CCDC57: variants seen among roughly 807,000 people sequenced by gnomAD.
The protein encoded by CCDC57 is coiled-coil domain containing 57.
A neutral mutation model predicts 118.9 loss-of-function variants in CCDC57; 118 were observed. The observed-to-expected ratio is 0.99, with a 90% CI of 0.86 to 1.16. The LOEUF (loss-of-function observed/expected upper bound fraction) is 1.16, where lower values mean the gene tolerates loss of function less well. Among genes scored for constraint, CCDC57 ranks in the 50% most tolerant of loss-of-function variants. The probability of loss-of-function intolerance (pLI) is 0.00; values close to 1 mark genes in which losing one functional copy is unlikely to be tolerated. For missense variants in CCDC57, 1,300 were observed against 1,320.7 expected (o/e 0.98, Z 0.24); for synonymous variants, 527 against 532.9 (o/e 0.99, Z 0.15).
intron 11 of CCDC57, among the ~76,000 whole-genome samples, chr17:82,174,896 C>G (rs1427717243): frequency 6.6e-6 from 1 of 152,168 alleles, no homozygotes; most frequent in Admixed American, 6.5e-5. Context: ...TCCTCAGGGC[C>G]GAGAGAATTT....
intron 4 of CCDC57, among the ~76,000 whole-genome samples, chr17:82,197,883 A>T (rs1013058535): frequency 6.6e-6 from 1 of 152,214 alleles, no homozygotes; most frequent in African/African-American, 2.4e-5. Context: ...ACCAGGACTC[A>T]CATCAGTGGC....
intron 19 of CCDC57, among the ~76,000 whole-genome samples, chr17:82,116,420 G>A (rs957118617): frequency 1.3e-5 from 2 of 151,990 alleles, no homozygotes; most frequent in Non-Finnish European, 2.9e-5. Flanking sequence ...ACTGAGCCCT[G>A]GCCCCAATCT....
intron 19 of CCDC57, chr17:82,112,756 C>T (rs1374836757): frequency 2.0e-5 from 3 of 152,632 alleles, no homozygotes; most frequent in African/African-American, 7.2e-5. Context: ...CCCCAGGGTT[C>T]ACCTTGCCTG....
At chr17:82,166,521 A>C (rs2044007177) in intron 13 of CCDC57, among the ~76,000 whole-genome samples, 1 of 152,088 alleles carries the variant, frequency 6.6e-6, no homozygotes, top group Non-Finnish European at 1.5e-5. Flanking sequence ...TCTCTAAAAA[A>C]AACAAACAAA....
At chr17:82,120,537 G>A (rs940316967) in intron 19 of CCDC57, among the ~76,000 whole-genome samples, 2 of 152,152 alleles carry the variant, frequency 1.3e-5, no homozygotes, top group African/African-American at 4.8e-5. Context: ...CTTCACCAAC[G>A]CAGTTTCCAA....
At chr17:82,157,429 A>C in intron 15 of CCDC57, 1 of 1,322,104 alleles carries the variant, frequency 7.6e-7, no homozygotes, top group Non-Finnish European at 9.7e-7. Flanking sequence ...TAAAGCAAAC[A>C]TGAGCCACCT....
chr17:82,199,122 C>T (rs922102582), intron 3 of CCDC57, among the ~76,000 whole-genome samples: 1 of 151,738 alleles, frequency 6.6e-6, no homozygotes, highest in Admixed American at 6.6e-5. Flanking sequence ...CTACAGCAGT[C>T]ATTATAAAAG....
intron 4 of CCDC57, 39 bp downstream of exon 3, chr17:82,198,275 G>T: frequency 7.8e-7 from 1 of 1,278,644 alleles, no homozygotes; most frequent in African/African-American, 1.5e-5. Context: ...TGGGCAGGCA[G>T]GGAAAGCACC....
intron 10 of CCDC57, 102 bp downstream of exon 9, chr17:82,178,925 T>G: frequency 1.5e-6 from 2 of 1,337,224 alleles, no homozygotes; most frequent in South Asian, 2.8e-5. Flanking sequence ...GTTTAGTGTT[T>G]TCAAATTTAA....
intron 16 of CCDC57, among the ~76,000 whole-genome samples, chr17:82,145,313 G>A (rs1268215618): frequency 6.7e-6 from 1 of 149,996 alleles, no homozygotes. Flanking sequence ...TTGGGAGGCT[G>A]AGGTGGGCAG....
intron 8 of CCDC57, among the ~76,000 whole-genome samples, chr17:82,187,040 C>T (rs2047010673): frequency 6.6e-6 from 1 of 151,696 alleles, no homozygotes; most frequent in South Asian, 2.1e-4. Context: ...AGATGGAGAC[C>T]ATCTTGGCCA....
intron 14 of CCDC57, among the ~76,000 whole-genome samples, chr17:82,161,624 A>G (rs2043348196): frequency 6.6e-6 from 1 of 152,226 alleles, no homozygotes; most frequent in African/African-American, 2.4e-5. Flanking sequence ...ATTCTACTCA[A>G]TGAAAGAAGC....
intron 19 of CCDC57, among the ~76,000 whole-genome samples, chr17:82,121,352 C>T (rs1043832296): frequency 1.6e-4 from 24 of 152,220 alleles, no homozygotes; most frequent in African/African-American, 5.8e-4. Context: ...AGCTTTCCTG[C>T]CAAGAGGCCC....
chr17:82,112,245 A>G, intron 19 of CCDC57: 1 of 152,456 alleles, frequency 6.6e-6, no homozygotes, highest in South Asian at 2.1e-4. Context: ...AAGTTCTGGG[A>G]TTACAGGCGT....
chr17:82,145,936 C>T, intron 16 of CCDC57: 1 of 340,018 alleles, frequency 2.9e-6, no homozygotes. Flanking sequence ...GCACCTCCCC[C>T]CACAGCCATC....
Position 82,151,146 on chromosome 17 carries a change from C to CACACCCAGAACCAG in CCDC57, c.2455+413_2455+414insCTGGTTCTGGGTGT, listed in dbSNP as rs1162228609. On this transcript the variant is annotated intron_variant, in intron 16 of 19. Transcript: ENST00000665763. The stretch of plus-strand genomic sequence containing the variant: ...CCAGGCGCACACCCAGAACCTGACC[C>CACACCCAGAACCAG]GCACCTAGAACCAGGCGCACACCCA... Among the ~76,000 whole-genome samples, 216 of 126,118 alleles carry CACACCCAGAACCAG rather than the reference C, an allele frequency of 1.7e-3. 4 individuals carry two copies. The highest frequency in any genetic ancestry group is 2.8e-3 in the Non-Finnish European group (163 of 59,262). The allele number at this position is 126,118 out of a possible 152,430, so 82.7% of individuals were successfully genotyped here.
intron 8 of CCDC57, among the ~76,000 whole-genome samples, chr17:82,186,470 G>A (rs1203989084): frequency 6.6e-6 from 1 of 152,074 alleles, no homozygotes; most frequent in Non-Finnish European, 1.5e-5. Context: ...CCCGCACACC[G>A]ACCGCAGAGG....
chr17:82,163,108 T>C (rs2043547896), intron 14 of CCDC57, 92 bp downstream of exon 13: 2 of 1,499,938 alleles, frequency 1.3e-6, no homozygotes, highest in African/African-American at 2.7e-5. Context: ...CGAGGTCACC[T>C]GGGGTCGCAC....
intron 13 of CCDC57, among the ~76,000 whole-genome samples, chr17:82,166,432 T>C (rs2043995720): frequency 6.6e-6 from 1 of 152,020 alleles, no homozygotes. Context: ...GGAGGGTCAC[T>C]TGAGCCCAGG....
Sources: gnomAD v4.1 joint callset for allele counts (sites outside exome capture counted in the v4.1 genomes callset) on GRCh38, gnomAD v4.1.1 for gene constraint, MANE v1.5 for transcripts, NCBI Gene and HGNC (gene_info 2026-07-23, HGNC 2026-07-21) for gene names.